KLF12: variants seen among roughly 807,000 people sequenced by gnomAD.
KLF12 encodes Krueppel-like factor 12.
Under a neutral mutation model 37.8 loss-of-function variants are expected in KLF12, and 9 were observed. The observed-to-expected ratio is 0.24, with a 90% confidence interval of 0.14 to 0.42. The LOEUF (loss-of-function observed/expected upper bound fraction) is 0.42. Among genes scored for constraint, KLF12 ranks in the 10% least tolerant of loss-of-function variants. The pLI, the probability that KLF12 is intolerant of heterozygous loss-of-function variation, is 1.00. For missense variants in KLF12, 411 were observed against 516.0 expected (o/e 0.80, Z 1.97); for synonymous variants, 208 against 202.1 (o/e 1.03, Z -0.25).
At chr13:73,732,171 C>T (rs963219917) in intron 6 of KLF12, among the ~76,000 whole-genome samples, 9 of 151,494 alleles carry the variant, frequency 5.9e-5, no homozygotes, top group Admixed American at 4.6e-4. Flanking sequence ...GCAACCTCCA[C>T]CTCCCGGGTT....
chr13:73,837,356 TC>T (rs1884490721), intron 4 of KLF12, among the ~76,000 whole-genome samples: 1 of 152,182 alleles, frequency 6.6e-6, no homozygotes, highest in Non-Finnish European at 1.5e-5. Flanking sequence ...AGCAGCGAAA[TC>T]GACAGATTGT....
chr13:73,862,674 G>A (rs1184337044), intron 3 of KLF12, among the ~76,000 whole-genome samples: 1 of 152,084 alleles, frequency 6.6e-6, no homozygotes, highest in Non-Finnish European at 1.5e-5. Context: ...TATCTTAGCA[G>A]AATTATTTTT....
chr13:73,774,304 CTATA>C (rs1250631346), intron 5 of KLF12, among the ~76,000 whole-genome samples: 4 of 138,310 alleles, frequency 2.9e-5, no homozygotes, highest in South Asian at 2.3e-4. Flanking sequence ...ACACACACAT[CTATA>C]TATATATATA....
chr13:74,017,537 CA>C (rs1199820661), intron 1 of KLF12, among the ~76,000 whole-genome samples: 3 of 150,974 alleles, frequency 2.0e-5, no homozygotes, highest in Middle Eastern at 3.2e-3. Flanking sequence ...CCAACTTTAT[CA>C]AAAGAGGCCC....
intron 3 of KLF12, among the ~76,000 whole-genome samples, 172 bp downstream of exon 3, chr13:73,943,809 T>C (rs937718907): frequency 1.3e-5 from 2 of 152,210 alleles, no homozygotes. Flanking sequence ...ATAGTTGAAG[T>C]TGCAAATGGG....
At chr13:73,927,108 T>A (rs1889427812) in intron 3 of KLF12, among the ~76,000 whole-genome samples, 1 of 152,142 alleles carries the variant, frequency 6.6e-6, no homozygotes, top group Non-Finnish European at 1.5e-5. Context: ...ACAAATACAA[T>A]AATTCCCATT....
chr13:73,909,432 C>A (rs1219103852), intron 3 of KLF12, among the ~76,000 whole-genome samples: 1 of 152,176 alleles, frequency 6.6e-6, no homozygotes, highest in African/African-American at 2.4e-5. Flanking sequence ...ATAAATCTTT[C>A]AAAAATCTGA....
intron 2 of KLF12, among the ~76,000 whole-genome samples, chr13:73,969,430 T>C (rs1891265978): frequency 6.6e-6 from 1 of 152,234 alleles, no homozygotes; most frequent in African/African-American, 2.4e-5. Flanking sequence ...CAACAGTGTA[T>C]ACCACTGGGA....
At chr13:74,242,470 C>A in the KLF12 span, among the ~76,000 whole-genome samples, 4 of 152,128 alleles carry the variant, frequency 2.6e-5, no homozygotes, top group African/African-American at 4.8e-5. Context: ...TTCACTACCA[C>A]AAGAATAGTA....
chr13:74,176,638 T>C, the KLF12 span, among the ~76,000 whole-genome samples: 14 of 152,198 alleles, frequency 9.2e-5, no homozygotes, highest in African/African-American at 2.9e-4. Context: ...TGATTTTTTG[T>C]CTGCATTGAG....
intron 3 of KLF12, among the ~76,000 whole-genome samples, chr13:73,916,227 A>C (rs1458121845): frequency 1.3e-5 from 1 of 74,278 alleles, no homozygotes; most frequent in African/African-American, 4.4e-5. Context: ...ACACACACAC[A>C]CACACACACA....
the KLF12 span, among the ~76,000 whole-genome samples, chr13:74,142,079 CT>C: frequency 4.4e-4 from 67 of 152,170 alleles, no homozygotes; most frequent in African/African-American, 1.6e-3. Flanking sequence ...ACTATATTTT[CT>C]GCACAATGTG....
intron 3 of KLF12, among the ~76,000 whole-genome samples, chr13:73,887,599 T>TA (rs1887292177): frequency 6.6e-6 from 1 of 152,170 alleles, no homozygotes; most frequent in Non-Finnish European, 1.5e-5. Context: ...ATGAGCCAAT[T>TA]AAACCTCTTT....
chr13:73,715,086 A>C (rs1275540809), intron 7 of KLF12, among the ~76,000 whole-genome samples: 1 of 152,146 alleles, frequency 6.6e-6, no homozygotes, highest in East Asian at 1.9e-4. Context: ...CCACGTGGAC[A>C]TTTTTTAAAA....
At chr13:73,878,868 G>A (rs1209899937) in intron 3 of KLF12, among the ~76,000 whole-genome samples, 1 of 152,162 alleles carries the variant, frequency 6.6e-6, no homozygotes, top group East Asian at 1.9e-4. Context: ...GGGAGGTGTG[G>A]CAGGAAACAT....
intron 1 of KLF12, among the ~76,000 whole-genome samples, chr13:74,011,717 G>A (rs998702348): frequency 6.6e-6 from 1 of 152,180 alleles, no homozygotes; most frequent in African/African-American, 2.4e-5. Context: ...TAAAGTGTAT[G>A]GGAGGATACA....
rs1838900066 is a variant in KLF12 at position 73,695,248 on chromosome 13, C to T, written c.*242G>A. On this transcript the variant is annotated 3_prime_UTR_variant, in exon 8 of 8. Coordinates refer to ENST00000377669, the MANE Select transcript of KLF12 (RefSeq NM_007249.5). Reference sequence around the variant, plus strand: ...AGAGGACACAGCACGGAAAACAATGCCTGTCTCTTCAGCATTTATGTCACT... The same window carrying T: ...AGAGGACACAGCACGGAAAACAATGTCTGTCTCTTCAGCATTTATGTCACT... The T allele has an allele frequency of 2.1e-6, 1 of 480,708 alleles. No individual in the cohort carries two copies. The highest frequency in any genetic ancestry group is 1.9e-5 in the African/African-American group (1 of 51,772). The allele number at this position is 480,708 out of a possible 1,614,324, so 29.8% of individuals were successfully genotyped here.
intron 1 of KLF12, among the ~76,000 whole-genome samples, chr13:73,995,734 T>C (rs1892095994): frequency 6.6e-6 from 1 of 152,202 alleles, no homozygotes; most frequent in South Asian, 2.1e-4. Context: ...AATCATTAAA[T>C]ATTATTGGGC....
the KLF12 span, among the ~76,000 whole-genome samples, chr13:74,161,309 C>A: frequency 6.6e-6 from 1 of 151,984 alleles, no homozygotes; most frequent in African/African-American, 2.4e-5. Context: ...AGGGTCTTTG[C>A]AGATGTAATT....
Sources: allele counts gnomAD v4.1 joint callset (sites outside exome capture counted in the v4.1 genomes callset), GRCh38; gene constraint gnomAD v4.1.1; transcripts MANE v1.5; gene names NCBI Gene and HGNC (gene_info 2026-07-23, HGNC 2026-07-21).